Variants in KYAT3 observed in about 807,000 individuals in gnomAD.
KYAT3 encodes kynurenine aminotransferase 3.
A neutral mutation model predicts 59.0 loss-of-function variants in KYAT3; 50 were observed. The ratio of observed to expected loss-of-function variants is 0.85; its 90% CI spans 0.68 to 1.07. KYAT3 has a LOEUF of 1.07. Among genes scored for constraint, KYAT3 ranks in the 50% least tolerant of loss-of-function variants. KYAT3 has a pLI of 0.00. For synonymous variants in KYAT3, 148 were observed against 177.0 expected, an observed-to-expected ratio of 0.84 and a Z score of 1.30; for missense variants, 497 against 533.3, an observed-to-expected ratio of 0.93 and a Z score of 0.67.
rs1409464204 is a variant in KYAT3 at position 88,936,065 on chromosome 1, T to C, written c.*118A>G. 8.9e-5 allele frequency: 62 copies of C among 695,238 alleles called. 1 individual carries two copies. In the East Asian group the frequency reaches 1.4e-3, roughly 16 times the overall value. The allele number at this position is 695,238 out of a possible 1,614,324, so 43.1% of individuals were successfully genotyped here. A position where few individuals can be genotyped will look rare whatever the true frequency, so the allele number is the denominator to read the frequency against. ...TGGGTTAACTGCTTTGGAAAAACAATGGAAATATTTAAATTCCAGTTGTAC... is the reference window on the plus strand; with the variant it reads ...TGGGTTAACTGCTTTGGAAAAACAACGGAAATATTTAAATTCCAGTTGTAC... On this transcript the variant is annotated 3_prime_UTR_variant, in exon 14 of 14. Coordinates refer to ENST00000260508, the MANE Select transcript of KYAT3 (RefSeq NM_001008661.3).
At chr1:88,958,824 A>G (rs1676026499) in intron 8 of KYAT3, among the ~76,000 whole-genome samples, 1 of 151,908 alleles carries the variant, frequency 6.6e-6, no homozygotes, top group Non-Finnish European at 1.5e-5. Context: ...CCATTTCATG[A>G]TGTAGAACAC....
At chr1:88,982,762 C>G (rs762992748) in intron 2 of KYAT3, 2 of 1,613,948 alleles carry the variant, frequency 1.2e-6, no homozygotes, top group Non-Finnish European at 1.7e-6. Flanking sequence ...AAGAAGGGTA[C>G]CCCCTTTCTA....
At chr1:88,929,395 C>T in the KYAT3 span, among the ~76,000 whole-genome samples, 1 of 152,178 alleles carries the variant, frequency 6.6e-6, no homozygotes, top group African/African-American at 2.4e-5. Context: ...AGTCCTGGAC[C>T]TAAAGGGTGC....
rs1047213866 is a variant in KYAT3, at chr1:88,989,885, G to A, written c.-1-1534C>T. On this transcript the variant is annotated intron_variant, in intron 1 of 13. Transcript: ENST00000260508. ...TGTACTTCCTGGCTGTGGACTGCTG[G>A]AGAAAGTCCCACGGGATATTGGTTT... 3.3e-5 allele frequency among the ~76,000 whole-genome samples: 5 copies of A among 152,180 alleles called. No homozygotes were observed. In the South Asian group the frequency reaches 1.0e-3, roughly 32 times the overall value.
intron 2 of KYAT3, among the ~76,000 whole-genome samples, chr1:88,984,862 TC>T (rs201111663): frequency 0.013 from 1,976 of 152,372 alleles, 40 homozygotes; most frequent in African/African-American, 0.044. Context: ...AGTTTTGCCT[TC>T]ATTTGCAATC....
At chr1:88,983,934 G>A (rs1384221373) in intron 2 of KYAT3, 4 of 1,189,014 alleles carry the variant, frequency 3.4e-6, no homozygotes, top group Non-Finnish European at 4.9e-6. Flanking sequence ...TGTCAGTTAG[G>A]AGGACTGAAC....
intron 2 of KYAT3, among the ~76,000 whole-genome samples, chr1:88,976,386 G>C (rs1208231387): frequency 6.6e-6 from 1 of 151,744 alleles, no homozygotes; most frequent in Non-Finnish European, 1.5e-5. Context: ...TACTTGCCTA[G>C]TGGAGCCATT....
At chr1:88,925,480 C>T in the KYAT3 span, among the ~76,000 whole-genome samples, 783 of 152,302 alleles carry the variant, frequency 5.1e-3, 9 homozygotes, top group African/African-American at 0.017. Flanking sequence ...GGAAGCTCTA[C>T]GCTGTGTCCT....
intron 2 of KYAT3, among the ~76,000 whole-genome samples, chr1:88,975,845 G>A (rs1676766019): frequency 6.6e-6 from 1 of 151,926 alleles, no homozygotes; most frequent in South Asian, 2.1e-4. Context: ...GACCATCCTG[G>A]CCAACATGGT....
At chr1:88,952,768 T>A (rs1350906949) in intron 10 of KYAT3, among the ~76,000 whole-genome samples, 1 of 152,210 alleles carries the variant, frequency 6.6e-6, no homozygotes, top group South Asian at 2.1e-4. Context: ...TGGATTGCTT[T>A]CATGGGGCAA....
Position 88,968,789 on chromosome 1 carries a change from C to A in KYAT3, c.184G>T (p.Asp62Tyr). 1.3e-6 allele frequency: 2 copies of A among 1,586,524 alleles called. No individual in the cohort carries two copies. The highest frequency in any genetic ancestry group is 1.2e-5 in the South Asian group (1 of 84,594). The change falls in exon 4 of 14, where the codon GAC becomes TAC. Residue 62 changes from aspartate to tyrosine, a missense_variant. Asp to Tyr is a radical substitution (Grantham distance 160, BLOSUM62 -3). This residue lies in a region of KYAT3 where 469 missense variants were observed against 479.1 expected (regional missense o/e 0.98). Transcript: ENST00000260508. ...TGGCCAAGATTCACAACAGAAGGGT[C>A]TGCAGCCAATTTGGTAAATTCAATC... ...VWIEFTKLAA[D>Y]PSVVNLGQGF...
rs1676283553 is a variant in KYAT3, at chr1:88,964,886, T to A, written c.396A>T (p.Val132=). The change falls in exon 5 of 14, where the codon GTA becomes GTT. Residue 132 remains valine, a synonymous_variant. Transcript: ENST00000260508. ...IDSNKEILVT[V]GAYGSLFNTI... is the part of the protein sequence containing the mutation. ...TGTTAAAAAGAGATCCATATGCTCC[T>A]ACTGTCACAAGGATTTCTTTATTTG... 1 of 1,609,514 alleles carries A rather than the reference T, an allele frequency of 6.2e-7. No homozygotes were observed. The highest frequency in any genetic ancestry group is 1.7e-5 in the Admixed American group (1 of 58,908).
chr1:88,964,562 G>A lies in KYAT3; in HGVS notation c.453+267C>T, dbSNP rs41288367. On this transcript the variant is annotated intron_variant, in intron 5 of 13. Coordinates refer to ENST00000260508, the MANE Select transcript of KYAT3 (RefSeq NM_001008661.3). ...AAGACAGAAGAGTACTTACCTCTGGGAGAATATAGACTCTGAAGAGGAACA... is the reference window on the plus strand; with the variant it reads ...AAGACAGAAGAGTACTTACCTCTGGAAGAATATAGACTCTGAAGAGGAACA... 8.8e-3 allele frequency: 3,191 copies of A among 364,456 alleles called. 28 individuals are homozygous for A. Among genetic ancestry groups the A allele is most frequent in the South Asian group, 0.011 (425 of 39,950 alleles). 22.6% of individuals were successfully genotyped at this position (364,456 alleles called of 1,614,324 possible). A position where few individuals can be genotyped will look rare whatever the true frequency, so the allele number is the denominator to read the frequency against.
intron 2 of KYAT3, among the ~76,000 whole-genome samples, chr1:88,977,453 C>A (rs555423280): frequency 2.1e-4 from 32 of 152,298 alleles, no homozygotes; most frequent in Non-Finnish European, 4.0e-4. Context: ...CTGCCCTACT[C>A]GGCCTCCCAA....
At chr1:88,930,901 T>C (rs770549136), downstream of KYAT3, among the ~76,000 whole-genome samples, 1 of 152,028 alleles carries the variant, frequency 6.6e-6, no homozygotes, top group Non-Finnish European at 1.5e-5. Context: ...AAGCAGATAT[T>C]GAAGCCAAAA....
chr1:88,968,394 A>C (rs1385067884), intron 4 of KYAT3, among the ~76,000 whole-genome samples: 1 of 152,196 alleles, frequency 6.6e-6, no homozygotes, highest in Non-Finnish European at 1.5e-5. Flanking sequence ...ATGTCTCAAG[A>C]GAATGTTGTT....
chr1:88,974,041 CAATAAT>C (rs767647602), intron 2 of KYAT3, among the ~76,000 whole-genome samples: 6 of 152,004 alleles, frequency 3.9e-5, no homozygotes, highest in Non-Finnish European at 8.8e-5. Context: ...ATATTAGTAA[CAATAAT>C]AATAACTGCA....
At chr1:88,955,846 C>CATGTGTGTGTGT (rs1675893634) in intron 8 of KYAT3, among the ~76,000 whole-genome samples, 1 of 151,152 alleles carries the variant, frequency 6.6e-6, no homozygotes, top group Admixed American at 6.6e-5. Flanking sequence ...TGTGTGTGTG[C>CATGTGTGTGTGT]ATGTGTGTGT....
intron 13 of KYAT3, 121 bp from the exon 14 acceptor site, chr1:88,936,366 AT>A (rs1435176357): frequency 2.6e-6 from 2 of 758,292 alleles, no homozygotes; most frequent in Non-Finnish European, 4.1e-6. Flanking sequence ...GTGAAGAAAA[AT>A]TTTCAAAGTG....
Sources: allele counts gnomAD v4.1 joint callset (sites outside exome capture counted in the v4.1 genomes callset), GRCh38; gene constraint gnomAD v4.1.1; regional missense constraint gnomAD v4.1.1; transcripts MANE v1.5; gene names NCBI Gene and HGNC (gene_info 2026-07-23, HGNC 2026-07-21).